TNS3: variants seen among roughly 807,000 people sequenced by gnomAD.
The protein encoded by TNS3 is tensin-3.
TNS3 carries 45 observed loss-of-function variants against 140.9 expected under a neutral mutation model. The ratio of observed to expected loss-of-function variants is 0.32; its 90% CI spans 0.25 to 0.41. The LOEUF (loss-of-function observed/expected upper bound fraction) is 0.41, where lower values mean the gene tolerates loss of function less well. Among genes scored for constraint, TNS3 ranks in the 10% least tolerant of loss-of-function variants. The pLI, the probability that TNS3 is intolerant of heterozygous loss-of-function variation, is 1.00. For synonymous variants in TNS3, 815 were observed against 788.4 expected, an observed-to-expected ratio of 1.03 and a Z score of -0.56; for missense variants, 1,716 against 1,906.7, an observed-to-expected ratio of 0.90 and a Z score of 1.86.
chr7:47,293,502 C>T (rs577854242), intron 25 of TNS3, among the ~76,000 whole-genome samples: 5 of 152,314 alleles, frequency 3.3e-5, no homozygotes, highest in Non-Finnish European at 7.3e-5. Context: ...GTAATTCCTA[C>T]GTCTGATATG....
At chr7:47,387,541 A>G (rs1209338463) in intron 16 of TNS3, among the ~76,000 whole-genome samples, 6 of 152,226 alleles carry the variant, frequency 3.9e-5, no homozygotes, top group Non-Finnish European at 8.8e-5. Context: ...CCCTGTCCCC[A>G]TAAGGACAAA....
intron 1 of TNS3, among the ~76,000 whole-genome samples, chr7:47,543,812 T>TG (rs1799855122): frequency 6.6e-6 from 1 of 152,138 alleles, no homozygotes; most frequent in African/African-American, 2.4e-5. Flanking sequence ...GGGAGTCCCC[T>TG]GGGGTGTGCA....
intron 1 of TNS3, among the ~76,000 whole-genome samples, chr7:47,532,278 C>G (rs537405457): frequency 6.6e-6 from 1 of 152,116 alleles, no homozygotes; most frequent in South Asian, 2.1e-4. Context: ...AGGCTGGGGA[C>G]GGGCTGCCAG....
intron 15 of TNS3, among the ~76,000 whole-genome samples, chr7:47,399,746 T>C (rs929372010): frequency 2.6e-5 from 4 of 152,140 alleles, no homozygotes; most frequent in African/African-American, 9.7e-5. Context: ...TAGGAAAAAC[T>C]CTTCTGGACA....
At chr7:47,282,273 T>TGCGG (rs1214098996) in intron 28 of TNS3, among the ~76,000 whole-genome samples, 3 of 148,362 alleles carry the variant, frequency 2.0e-5, no homozygotes, top group Admixed American at 2.0e-4. Context: ...GGGTGAGCCA[T>TGCGG]GCAGCTGAGC....
intron 4 of TNS3, among the ~76,000 whole-genome samples, chr7:47,473,936 T>C (rs1380511121): frequency 6.6e-6 from 1 of 152,150 alleles, no homozygotes; most frequent in Admixed American, 6.5e-5. Context: ...TCTGAAAGAA[T>C]CAAATAGCTT....
At chr7:47,359,990 A>G (rs137928914) in intron 17 of TNS3, among the ~76,000 whole-genome samples, 25 of 152,240 alleles carry the variant, frequency 1.6e-4, no homozygotes, top group Non-Finnish European at 3.5e-4. Context: ...AGCGCCCACC[A>G]AGGTGGTAGG....
At chr7:47,339,612 T>A (rs1227522542) in intron 20 of TNS3, among the ~76,000 whole-genome samples, 2 of 152,212 alleles carry the variant, frequency 1.3e-5, no homozygotes, top group Non-Finnish European at 2.9e-5. Flanking sequence ...GTCTTGAAAT[T>A]AGGTAACCTC....
At position 47,369,160 on chromosome 7, in the gene TNS3, G is replaced by C. The variant is rs1330151372; in HGVS notation, c.1486C>G (p.Leu496Val). 1.2e-6 allele frequency: 2 copies of C among 1,614,010 alleles called. No individual in the cohort carries two copies. Among genetic ancestry groups the C allele is most frequent in the African/African-American group, 2.7e-5 (2 of 74,954 alleles). Residue 496 changes from leucine to valine, a missense_variant, in exon 17 of 31, where the codon CTG (leucine) becomes GTG (valine). Around this residue, in one of 3 missense-constraint regions of TNS3, gnomAD observed 1,163 missense variants for 1,182.1 expected, o/e 0.98. Coordinates refer to ENST00000311160, the MANE Select transcript of TNS3 (RefSeq NM_022748.12). ...DLHSVDSLGTLSSSEGPQSAH... is the reference protein window; with the variant it reads ...DLHSVDSLGTVSSSEGPQSAH... Reference sequence around the variant, plus strand: ...GACTGAGGCCCTTCCGAGGAGGACAGGGTCCCAAGGCTGTCCACACTGTGC... The same window carrying C: ...GACTGAGGCCCTTCCGAGGAGGACACGGTCCCAAGGCTGTCCACACTGTGC...
intron 23 of TNS3, among the ~76,000 whole-genome samples, chr7:47,299,798 G>A (rs901105939): frequency 3.3e-5 from 5 of 152,172 alleles, no homozygotes; most frequent in East Asian, 1.9e-4. Context: ...TTGGAAAAAC[G>A]AGCGTCCACA....
At chr7:47,566,483 A>C (rs1800431404) in intron 1 of TNS3, among the ~76,000 whole-genome samples, 1 of 152,054 alleles carries the variant, frequency 6.6e-6, no homozygotes, top group Non-Finnish European at 1.5e-5. Flanking sequence ...TCTCCCTTTT[A>C]CTCTGAAGAG....
intron 2 of TNS3, among the ~76,000 whole-genome samples, chr7:47,514,685 A>G (rs1035154908): frequency 1.2e-4 from 18 of 151,854 alleles, no homozygotes; most frequent in Admixed American, 4.6e-4. Flanking sequence ...GTCTCATTCC[A>G]TGATAGTCTC....
At chr7:47,318,766 C>A (rs373002092) in intron 20 of TNS3, among the ~76,000 whole-genome samples, 2 of 152,164 alleles carry the variant, frequency 1.3e-5, no homozygotes, top group African/African-American at 4.8e-5. Context: ...CACGTCCACA[C>A]AGGAGTGGAC....
At chr7:47,505,911 C>T (rs1798400301) in intron 3 of TNS3, among the ~76,000 whole-genome samples, 1 of 152,142 alleles carries the variant, frequency 6.6e-6, no homozygotes, top group African/African-American at 2.4e-5. Flanking sequence ...CCGCCCTAGT[C>T]CTCACATGGA....
At chr7:47,492,713 G>A (rs1030235723) in intron 3 of TNS3, among the ~76,000 whole-genome samples, 3 of 152,244 alleles carry the variant, frequency 2.0e-5, no homozygotes, top group Admixed American at 6.5e-5. Context: ...GGTCCAAGGA[G>A]GCAGTAACAC....
chr7:47,308,418 A>C (rs1168124724), intron 20 of TNS3, among the ~76,000 whole-genome samples: 1 of 152,186 alleles, frequency 6.6e-6, no homozygotes, highest in Non-Finnish European at 1.5e-5. Context: ...TAATGTTCAT[A>C]ATCTTAACAT....
At chr7:47,415,037 A>T in intron 11 of TNS3, 57 bp downstream of exon 11, 2 of 1,336,790 alleles carry the variant, frequency 1.5e-6, no homozygotes, top group Admixed American at 1.9e-5. Context: ...GGGGCCCAGG[A>T]CCAGCTCCAA....
chr7:47,357,222 C>T (rs1221843260), intron 17 of TNS3, among the ~76,000 whole-genome samples: 1 of 152,212 alleles, frequency 6.6e-6, no homozygotes, highest in Non-Finnish European at 1.5e-5. Flanking sequence ...TCCCCATAAG[C>T]TACTGATTTA....
chr7:47,283,610 G>A, intron 28 of TNS3, 87 bp downstream of exon 28: 1 of 1,288,370 alleles, frequency 7.8e-7, no homozygotes, highest in African/African-American at 1.5e-5. Flanking sequence ...TGATTTACCT[G>A]GATGACTACT....
Sources: gnomAD v4.1 joint callset for allele counts (sites outside exome capture counted in the v4.1 genomes callset) on GRCh38, gnomAD v4.1.1 for gene constraint, gnomAD v4.1.1 regional missense constraint, MANE v1.5 for transcripts, NCBI Gene and HGNC (gene_info 2026-07-23, HGNC 2026-07-21) for gene names.